Variants in MTX2 observed in about 807,000 individuals in gnomAD.
MTX2 encodes metaxin 2, also known as metaxin-2.
A neutral mutation model predicts 42.3 loss-of-function variants in MTX2; 35 were observed. The observed-to-expected ratio is 0.83, with a 90% CI of 0.63 to 1.10. The LOEUF is 1.10. Among genes scored for constraint, MTX2 ranks in the 50% least tolerant of loss-of-function variants. The pLI is 0.00. For missense variants in MTX2, 307 were observed against 304.1 expected (o/e 1.01, Z -0.07); for synonymous variants, 119 against 100.9 (o/e 1.18, Z -1.08).
chr2:176,289,828 T>C (rs1693289275), intron 1 of MTX2, among the ~76,000 whole-genome samples: 1 of 152,114 alleles, frequency 6.6e-6, no homozygotes, highest in African/African-American at 2.4e-5. Flanking sequence ...GATGCCTATA[T>C]AAAATTTAAT....
chr2:176,335,100 A>G (rs1420129796), intron 9 of MTX2, among the ~76,000 whole-genome samples: 1 of 152,040 alleles, frequency 6.6e-6, no homozygotes, highest in Non-Finnish European at 1.5e-5. Flanking sequence ...AAAGGACCAC[A>G]TGATAAGGAG....
chr2:176,296,983 T>G (rs1170437562), intron 2 of MTX2, 76 bp downstream of exon 2: 2 of 1,392,506 alleles, frequency 1.4e-6, no homozygotes, highest in Non-Finnish European at 2.0e-6. Flanking sequence ...GTAATACAAT[T>G]TACTGCAAAG....
At chr2:176,309,605 G>A (rs1387915125) in intron 3 of MTX2, among the ~76,000 whole-genome samples, 1 of 151,790 alleles carries the variant, frequency 6.6e-6, no homozygotes, top group Admixed American at 6.6e-5. Context: ...ATTTAGGATA[G>A]TTAGCTCTTC....
At chr2:176,321,059 A>AT (rs1267785352) in intron 3 of MTX2, among the ~76,000 whole-genome samples, 2 of 151,496 alleles carry the variant, frequency 1.3e-5, no homozygotes, top group African/African-American at 2.4e-5. Context: ...TATCTCCATT[A>AT]TTTTTTTTCT....
Position 176,297,879 on chromosome 2 carries a change from C to T in MTX2, c.119C>T (p.Ala40Val). ...GEQILLSDNAASLAVQAFLQM... is the reference protein window; with the variant it reads ...GEQILLSDNAVSLAVQAFLQM... ...CAAATTTTACTTTCTGACAATGCAG[C>T]TTCTCTTGCAGTGCAGGTAAATATG... Residue 40 changes from alanine to valine, a missense_variant, in exon 3 of 10, where the codon GCT becomes GTT. By Grantham distance (64) the Ala-to-Val change is moderately conservative. Transcript: ENST00000249442. 1 of 1,559,252 alleles carries T rather than the reference C, an allele frequency of 6.4e-7. No individual in the cohort carries two copies. Among genetic ancestry groups the T allele is most frequent in the Non-Finnish European group, 8.7e-7 (1 of 1,149,556 alleles).
intron 9 of MTX2, among the ~76,000 whole-genome samples, chr2:176,332,600 G>A (rs1684888780): frequency 1.3e-5 from 2 of 151,338 alleles, no homozygotes; most frequent in African/African-American, 4.8e-5. Flanking sequence ...ACCGTTACTT[G>A]ATGAGAGAAA....
intron 1 of MTX2, among the ~76,000 whole-genome samples, chr2:176,285,613 T>G (rs546902122): frequency 3.3e-5 from 5 of 151,974 alleles, no homozygotes; most frequent in Admixed American, 2.6e-4. Flanking sequence ...ATAAATGGAA[T>G]CATATGTTTT....
chr2:176,322,122 G>A (rs1426220797), intron 3 of MTX2, among the ~76,000 whole-genome samples: 1 of 152,064 alleles, frequency 6.6e-6, no homozygotes, highest in Non-Finnish European at 1.5e-5. Context: ...AGACTCACGT[G>A]GGATTTATTT....
At chr2:176,285,322 G>C (rs1442421083) in intron 1 of MTX2, among the ~76,000 whole-genome samples, 3 of 150,592 alleles carry the variant, frequency 2.0e-5, no homozygotes, top group Non-Finnish European at 4.4e-5. Flanking sequence ...AAGATTTTCT[G>C]TTCAGCTTTC....
chr2:176,315,131 T>C (rs1684406386), intron 3 of MTX2, among the ~76,000 whole-genome samples: 1 of 152,186 alleles, frequency 6.6e-6, no homozygotes, highest in African/African-American at 2.4e-5. Flanking sequence ...GGCCGTACTC[T>C]TAGCAATTCT....
intron 4 of MTX2, 29 bp downstream of exon 4, chr2:176,323,493 A>ACT (rs1684633522): frequency 3.2e-6 from 5 of 1,572,312 alleles, no homozygotes; most frequent in Non-Finnish European, 4.4e-6. Context: ...CTTCTCTGTT[A>ACT]ATATTATGGA....
In MTX2 at chr2:176,269,531, G is replaced by T; in HGVS notation, c.-99G>T. On this transcript the variant is annotated 5_prime_UTR_variant, in exon 1 of 10. Transcript: ENST00000249442. ...GGCTTTGCGAGTCTGAACGTTGGCG[G>T]GGCTAGGCTCGTTAACTGCCGAGAG... is the stretch of plus-strand genomic sequence containing the variant. 7.4e-7 allele frequency: 1 copy of T among 1,345,586 alleles called. No homozygotes were observed. 83.4% of individuals were successfully genotyped at this position (1,345,586 alleles called of 1,614,324 possible).
At chr2:176,317,162 G>A (rs982863144) in intron 3 of MTX2, among the ~76,000 whole-genome samples, 1 of 151,406 alleles carries the variant, frequency 6.6e-6, no homozygotes, top group African/African-American at 2.4e-5. Context: ...TATTCATCTG[G>A]TAATCATTAT....
At chr2:176,328,842 C>G (rs754416144) in intron 6 of MTX2, 32 bp from the exon 7 acceptor site, 13 of 1,591,340 alleles carry the variant, frequency 8.2e-6, no homozygotes, top group Middle Eastern at 3.4e-4. Context: ...CTTTGGTATT[C>G]TAAAGTTTAG....
In MTX2 at chr2:176,278,212, G is replaced by T. The variant is rs747295867; in HGVS notation, c.40+8543G>T. Among the ~76,000 whole-genome samples the T allele has an allele frequency of 1.8e-4, 28 of 151,604 alleles. 1 individual carries two copies. Among genetic ancestry groups the T allele is most frequent in the Non-Finnish European group, 3.8e-4 (26 of 67,912 alleles). ...ATTATAGGTGCCCACCACCACACCTGGCTAATTTTTGTATTTTCAGTAAAG... is the reference window on the plus strand; with the variant it reads ...ATTATAGGTGCCCACCACCACACCTTGCTAATTTTTGTATTTTCAGTAAAG... On this transcript the variant is annotated intron_variant, in intron 1 of 9. Transcript: ENST00000249442.
chr2:176,332,650 A>G (rs1684890414), intron 9 of MTX2, among the ~76,000 whole-genome samples: 2 of 151,418 alleles, frequency 1.3e-5, no homozygotes, highest in Non-Finnish European at 3.0e-5. Context: ...AGAAAGAATA[A>G]TAATTGGGAA....
At chr2:176,313,275 A>G (rs1440585709) in intron 3 of MTX2, among the ~76,000 whole-genome samples, 1 of 152,086 alleles carries the variant, frequency 6.6e-6, no homozygotes, top group Non-Finnish European at 1.5e-5. Flanking sequence ...TAGAAATGAG[A>G]AAGCTTCTGA....
At chr2:176,281,224 C>A (rs572641732) in intron 1 of MTX2, among the ~76,000 whole-genome samples, 1 of 152,142 alleles carries the variant, frequency 6.6e-6, no homozygotes, top group East Asian at 1.9e-4. Flanking sequence ...GTATAGGGTG[C>A]TGTATACAGC....
chr2:176,312,758 G>C (rs1220104036), intron 3 of MTX2, among the ~76,000 whole-genome samples: 1 of 150,866 alleles, frequency 6.6e-6, no homozygotes, highest in East Asian at 2.0e-4. Context: ...AGCTACTCGT[G>C]AGGCTGAGGT....
Sources: allele counts gnomAD v4.1 joint callset (sites outside exome capture counted in the v4.1 genomes callset), GRCh38; gene constraint gnomAD v4.1.1; transcripts MANE v1.5; gene names NCBI Gene and HGNC (gene_info 2026-07-23, HGNC 2026-07-21).